The following ZNF385D variants were observed in gnomAD, a reference collection of about 807,000 sequenced individuals.
ZNF385D encodes the protein zinc finger protein 659.
ZNF385D carries 15 observed loss-of-function variants against 35.8 expected under a neutral mutation model. The ratio of observed to expected loss-of-function variants is 0.42; its 90% CI spans 0.28 to 0.64. The LOEUF is 0.64. Ranked by LOEUF, ZNF385D falls within the 30% of genes least tolerant of loss-of-function variation. The pLI is 0.23. For missense variants in ZNF385D, 474 were observed against 494.6 expected, an observed-to-expected ratio of 0.96 and a Z score of 0.39; for synonymous variants, 212 against 186.8, an observed-to-expected ratio of 1.13 and a Z score of -1.10.
chr3:22,261,365 GT>G (rs1700622799), intron 2 of ZNF385D, among the ~76,000 whole-genome samples: 1 of 152,036 alleles, frequency 6.6e-6, no homozygotes, highest in Non-Finnish European at 1.5e-5. Flanking sequence ...CTAATGCATT[GT>G]GTGGCATTAG....
intron 3 of ZNF385D, among the ~76,000 whole-genome samples, chr3:22,087,053 T>C (rs767334105): frequency 6.6e-6 from 1 of 152,112 alleles, no homozygotes; most frequent in African/African-American, 2.4e-5. Context: ...TGCACGCACA[T>C]GTACCCTAGA....
intron 2 of ZNF385D, among the ~76,000 whole-genome samples, chr3:22,300,530 A>C (rs955458263): frequency 6.6e-6 from 1 of 151,986 alleles, no homozygotes; most frequent in Non-Finnish European, 1.5e-5. Flanking sequence ...AATAATCTGC[A>C]AACTATTCAT....
chr3:21,757,936 T>C (rs4334661), intron 3 of ZNF385D, among the ~76,000 whole-genome samples: 103,483 of 152,066 alleles, frequency 0.68, 36,276 homozygotes, highest in East Asian at 0.9. Flanking sequence ...AATAAATCTA[T>C]TGAAAGTCTT....
At chr3:21,754,757 G>A (rs968846598), upstream of ZNF385D, among the ~76,000 whole-genome samples, 2 of 151,892 alleles carry the variant, frequency 1.3e-5, no homozygotes, top group African/African-American at 4.8e-5. Flanking sequence ...CTCCTCACTG[G>A]AATATAATCT....
chr3:22,162,285 G>T (rs2131063), intron 3 of ZNF385D, among the ~76,000 whole-genome samples: 30,695 of 152,004 alleles, frequency 0.2, 3,379 homozygotes, highest in Middle Eastern at 0.3. Context: ...TATTCAGAGG[G>T]GCTACAGACT....
At chr3:22,329,291 G>C (rs1694826399) in intron 2 of ZNF385D, among the ~76,000 whole-genome samples, 1 of 151,680 alleles carries the variant, frequency 6.6e-6, no homozygotes, top group African/African-American at 2.4e-5. Flanking sequence ...GTAACAATTT[G>C]GTTTGGTACA....
At position 21,949,392 on chromosome 3, in the gene ZNF385D, G is replaced by C. The variant is rs2928348; in HGVS notation, c.325+219425C>G. Among the ~76,000 whole-genome samples the C allele has an allele frequency of 5.9e-5, 9 of 151,930 alleles. No homozygotes were observed. In the East Asian group the frequency reaches 1.8e-3, roughly 30 times the overall value. ...TGTGCTGTGCCTTTTCCATCCCATCGGTTGGGGTGGCTATCTTTATTGTTG... is the reference window on the plus strand; with the variant it reads ...TGTGCTGTGCCTTTTCCATCCCATCCGTTGGGGTGGCTATCTTTATTGTTG... On this transcript the variant is annotated intron_variant, in intron 3 of 5. Coordinates refer to the ZNF385D transcript ENST00000494108.
intron 3 of ZNF385D, among the ~76,000 whole-genome samples, chr3:21,949,467 T>C (rs985435073): frequency 6.6e-6 from 1 of 152,052 alleles, no homozygotes; most frequent in African/African-American, 2.4e-5. Flanking sequence ...AGCTCAAGTG[T>C]TTTAGGGTAG....
chr3:22,204,410 T>C (rs994124546), intron 2 of ZNF385D, among the ~76,000 whole-genome samples: 5 of 152,014 alleles, frequency 3.3e-5, no homozygotes, highest in East Asian at 3.9e-4. Context: ...CAATCCCAGA[T>C]TGTGAAAACT....
chr3:21,804,119 T>A (rs980001175), intron 3 of ZNF385D, among the ~76,000 whole-genome samples: 1 of 152,198 alleles, frequency 6.6e-6, no homozygotes, highest in African/African-American at 2.4e-5. Context: ...AAAATAAAAG[T>A]GTGTAAATTT....
chr3:22,263,498 G>T (rs544433155), intron 2 of ZNF385D, among the ~76,000 whole-genome samples: 88 of 151,832 alleles, frequency 5.8e-4, no homozygotes, highest in African/African-American at 2.0e-3. Flanking sequence ...TTCTTAAGTT[G>T]TATGTTTTAT....
chr3:21,969,053 G>C (rs746327865), intron 3 of ZNF385D, among the ~76,000 whole-genome samples: 1 of 152,130 alleles, frequency 6.6e-6, no homozygotes, highest in Non-Finnish European at 1.5e-5. Flanking sequence ...CTTGGGTCTT[G>C]AGTGAACATT....
At chr3:21,999,050 T>C (rs938153232) in intron 3 of ZNF385D, among the ~76,000 whole-genome samples, 1 of 152,238 alleles carries the variant, frequency 6.6e-6, no homozygotes, top group Non-Finnish European at 1.5e-5. Context: ...CTACACCTCC[T>C]AAGTCCTGTC....
intron 2 of ZNF385D, among the ~76,000 whole-genome samples, chr3:22,172,073 T>C (rs898190130): frequency 4.6e-5 from 7 of 152,138 alleles, no homozygotes; most frequent in Non-Finnish European, 8.8e-5. Flanking sequence ...CAGTCATACA[T>C]AAACGTTAGG....
At chr3:22,355,490 T>A (rs993196887) in intron 2 of ZNF385D, among the ~76,000 whole-genome samples, 1 of 151,736 alleles carries the variant, frequency 6.6e-6, no homozygotes, top group African/African-American at 2.4e-5. Flanking sequence ...TATACAAAAA[T>A]GAAATGAAGT....
At chr3:22,172,679 C>T (rs562898702) in intron 2 of ZNF385D, among the ~76,000 whole-genome samples, 9 of 151,904 alleles carry the variant, frequency 5.9e-5, no homozygotes, top group African/African-American at 1.9e-4. Context: ...GAAAAAACTC[C>T]GAAGAAACAA....
chr3:22,053,096 G>T (rs1699357872), intron 3 of ZNF385D, among the ~76,000 whole-genome samples: 1 of 80,298 alleles, frequency 1.2e-5, no homozygotes. Flanking sequence ...CCCTCCCCCA[G>T]CCTCGTTGCC....
intron 3 of ZNF385D, among the ~76,000 whole-genome samples, chr3:21,901,390 TTAAAA>T (rs1484663205): frequency 1.3e-5 from 2 of 152,138 alleles, no homozygotes; most frequent in East Asian, 1.9e-4. Context: ...AAGCTGAGAA[TTAAAA>T]TAAACTAAGA....
intron 4 of ZNF385D, chr3:21,443,123 C>A: frequency 2.0e-6 from 2 of 985,208 alleles, no homozygotes; most frequent in South Asian, 9.4e-5. Flanking sequence ...CCCAAAGCCA[C>A]CAAATGAGGC....
Sources: allele counts gnomAD v4.1 joint callset (sites outside exome capture counted in the v4.1 genomes callset), GRCh38; gene constraint gnomAD v4.1.1; transcripts MANE v1.5; gene names NCBI Gene and HGNC (gene_info 2026-07-23, HGNC 2026-07-21).